DIS3L2: variants seen among roughly 807,000 people sequenced by gnomAD.
The protein encoded by DIS3L2 is DIS3-like exonuclease 2.
DIS3L2 carries 34 observed loss-of-function variants against 97.5 expected under a neutral mutation model. The ratio of observed to expected loss-of-function variants is 0.35; its 90% CI spans 0.27 to 0.46. DIS3L2 has a LOEUF of 0.46. DIS3L2 is among the 20% of genes least tolerant of loss of function. DIS3L2 has a pLI of 1.00. For missense variants in DIS3L2, 1,038 were observed against 1,146.0 expected, an observed-to-expected ratio of 0.91 and a Z score of 1.36; for synonymous variants, 435 against 445.2, an observed-to-expected ratio of 0.98 and a Z score of 0.29.
intron 13 of DIS3L2, among the ~76,000 whole-genome samples, chr2:232,272,571 CCT>C (rs1171547078): frequency 6.6e-6 from 1 of 152,152 alleles, no homozygotes; most frequent in Non-Finnish European, 1.5e-5. Flanking sequence ...TCCCCTCACT[CCT>C]CTCTCTGAGT....
intron 3 of DIS3L2, 156 bp downstream of exon 3, chr2:232,015,827 A>T: frequency 1.3e-6 from 1 of 747,170 alleles, no homozygotes; most frequent in Non-Finnish European, 2.1e-6. Context: ...ATGAGGTAAC[A>T]GATTCTTCTT....
chr2:232,333,263 G>GCCTCCTCCTCCTCCTCTGCCT (rs1695822398), intron 16 of DIS3L2, among the ~76,000 whole-genome samples: 1 of 103,856 alleles, frequency 9.6e-6, no homozygotes, highest in Non-Finnish European at 2.0e-5. Flanking sequence ...CTCCGCTGTC[G>GCCTCCTCCTCCTCCTCTGCCT]CCTCCTCCTC....
intron 6 of DIS3L2, among the ~76,000 whole-genome samples, chr2:232,089,343 A>G (rs139532481): frequency 6.6e-4 from 100 of 152,320 alleles, no homozygotes; most frequent in African/African-American, 1.8e-3. Flanking sequence ...GGACACGTTT[A>G]GGTAACTAGT....
rs1197725929 is a variant in DIS3L2, at chr2:232,325,567, G to C, written c.1740-4246G>C. 6.6e-6 allele frequency among the ~76,000 whole-genome samples: 1 copy of C among 152,296 alleles called. No individual in the cohort carries two copies. The highest frequency in any genetic ancestry group is 2.1e-4 in the South Asian group (1 of 4,828). On this transcript the variant is annotated intron_variant, in intron 14 of 20. Transcript: ENST00000325385. This position sits in a 1 kb window ranked among gnomAD's most constrained non-coding sequence, Gnocchi z 4.6. Reference sequence around the variant, plus strand: ...CTGGGAGTGAGTGCCGAGGAGCTGGGGTCCTGGCCCTGCAGCCACTGTCAC... The same window carrying C: ...CTGGGAGTGAGTGCCGAGGAGCTGGCGTCCTGGCCCTGCAGCCACTGTCAC...
At chr2:232,278,902 C>T (rs1186244453) in intron 13 of DIS3L2, among the ~76,000 whole-genome samples, 12 of 152,144 alleles carry the variant, frequency 7.9e-5, no homozygotes, top group Non-Finnish European at 1.5e-4. Context: ...AGTGACTATA[C>T]CACTTTGCAT....
intron 13 of DIS3L2, among the ~76,000 whole-genome samples, chr2:232,295,557 C>T (rs897486088): frequency 1.3e-5 from 2 of 152,208 alleles, no homozygotes; most frequent in African/African-American, 4.8e-5. Context: ...TTCCTGTCAG[C>T]ATTGAAACAA....
At chr2:232,333,158 TTCTCCTCCTCC>T (rs1695803533) in intron 16 of DIS3L2, among the ~76,000 whole-genome samples, 1 of 107,094 alleles carries the variant, frequency 9.3e-6, no homozygotes, top group African/African-American at 4.7e-5. Context: ...CACCTCCTCC[TTCTCCTCCTCC>T]GCTGTCGCCT....
chr2:232,007,501 A>G (rs1052813279), intron 1 of DIS3L2, among the ~76,000 whole-genome samples: 2 of 152,120 alleles, frequency 1.3e-5, no homozygotes, highest in Non-Finnish European at 2.9e-5. Flanking sequence ...GTGCCTGGCT[A>G]ATTTTTGTAT....
chr2:232,032,269 A>T (rs1694825027), intron 5 of DIS3L2, among the ~76,000 whole-genome samples: 1 of 152,090 alleles, frequency 6.6e-6, no homozygotes, highest in Non-Finnish European at 1.5e-5. Flanking sequence ...AGTGTTGATG[A>T]CCTTTTTTTA....
intron 9 of DIS3L2, among the ~76,000 whole-genome samples, chr2:232,192,156 G>A (rs1413825989): frequency 6.6e-6 from 1 of 151,596 alleles, no homozygotes; most frequent in African/African-American, 2.4e-5. Context: ...TTGTTAATGG[G>A]GTATATATTT....
intron 5 of DIS3L2, among the ~76,000 whole-genome samples, chr2:232,055,718 A>T (rs1200614494): frequency 6.6e-6 from 1 of 152,216 alleles, no homozygotes; most frequent in Non-Finnish European, 1.5e-5. Flanking sequence ...CCCAACATCA[A>T]GACTTACCAT....
intron 14 of DIS3L2, among the ~76,000 whole-genome samples, chr2:232,310,974 A>G (rs1271620810): frequency 2.0e-5 from 3 of 152,252 alleles, no homozygotes; most frequent in African/African-American, 4.8e-5. Context: ...GTCAGTGCCT[A>G]TTCCCCACTT....
chr2:232,306,888 C>T (rs114123900), intron 14 of DIS3L2, among the ~76,000 whole-genome samples: 3 of 152,276 alleles, frequency 2.0e-5, no homozygotes, highest in South Asian at 2.1e-4. Flanking sequence ...GATTACCTCA[C>T]GCTCCTGCGT....
chr2:232,336,268 C>A (rs1311931345), intron 20 of DIS3L2: 1 of 1,544,906 alleles, frequency 6.5e-7, no homozygotes, highest in African/African-American at 1.4e-5. Flanking sequence ...GCCTTGGGAG[C>A]GCTCAGGATG....
At chr2:231,982,345 C>T (rs1693286613) in intron 1 of DIS3L2, among the ~76,000 whole-genome samples, 2 of 152,106 alleles carry the variant, frequency 1.3e-5, no homozygotes, top group African/African-American at 4.8e-5. Context: ...TCATCTTAGT[C>T]TGTGCTTTGG....
At chr2:232,156,227 C>T (rs898583085) in intron 8 of DIS3L2, among the ~76,000 whole-genome samples, 1 of 152,124 alleles carries the variant, frequency 6.6e-6, no homozygotes, top group Non-Finnish European at 1.5e-5. Flanking sequence ...TTAGGTATTT[C>T]CAGTATGACT....
intron 13 of DIS3L2, among the ~76,000 whole-genome samples, chr2:232,272,358 T>G (rs1694029537): frequency 6.6e-6 from 1 of 152,126 alleles, no homozygotes. Flanking sequence ...TGTATGTACT[T>G]TAAAAAACAC....
intron 5 of DIS3L2, among the ~76,000 whole-genome samples, chr2:232,030,791 T>A (rs1694783843): frequency 6.6e-6 from 1 of 152,220 alleles, no homozygotes; most frequent in Non-Finnish European, 1.5e-5. Context: ...TCATATCATT[T>A]GTTTTATTTG....
intron 1 of DIS3L2, among the ~76,000 whole-genome samples, chr2:231,981,596 TTTTATATATATATATATATATATATATA>T (rs1559512321): frequency 2.1e-5 from 1 of 48,004 alleles, no homozygotes; most frequent in East Asian, 9.3e-4. Flanking sequence ...CTGTTAAGTA[TTTTATATATATATATATATATATATATA>T]TATATATATA....
Sources: gnomAD v4.1 joint callset for allele counts (sites outside exome capture counted in the v4.1 genomes callset) on GRCh38, gnomAD v4.1.1 for gene constraint, Gnocchi (gnomAD v3.1) non-coding constraint, MANE v1.5 for transcripts, NCBI Gene and HGNC (gene_info 2026-07-23, HGNC 2026-07-21) for gene names.